Variants in MKLN1 observed in about 807,000 individuals in gnomAD.
MKLN1 encodes muskelin.
MKLN1 carries 18 observed loss-of-function variants against 99.0 expected under a neutral mutation model. The observed-to-expected ratio is 0.18, with a 90% CI of 0.13 to 0.27. The LOEUF is 0.27. MKLN1 is among the 10% of genes least tolerant of loss of function. MKLN1 has a pLI of 1.00. For missense variants in MKLN1, 621 were observed against 875.9 expected (o/e 0.71, Z 3.67); for synonymous variants, 288 against 293.2 (o/e 0.98, Z 0.18).
At chr7:131,267,806 A>G (rs1257050063) in intron 3 of MKLN1, among the ~76,000 whole-genome samples, 1 of 152,232 alleles carries the variant, frequency 6.6e-6, no homozygotes, top group Non-Finnish European at 1.5e-5. Flanking sequence ...AAGTCTGGTA[A>G]GTAAACAATA....
Position 131,183,031 on chromosome 7 carries a change from C to G in MKLN1, c.-296-19826C>G, listed in dbSNP as rs747161878. Among the ~76,000 whole-genome samples, 8 of 152,214 alleles carry G rather than the reference C, an allele frequency of 5.3e-5. No homozygotes were observed. The South Asian group carries it at 1.0e-3, about 20-fold the overall frequency. On this transcript the variant is annotated intron_variant, in intron 2 of 7. Coordinates refer to the MKLN1 transcript ENST00000416992. ...GAAATGCACTAGGGGACCTACCACA[C>G]AGCATCAGGTGGATGTGGAGTGGTT...
intron 2 of MKLN1, among the ~76,000 whole-genome samples, chr7:131,151,772 CATT>C (rs1795891728): frequency 6.6e-6 from 1 of 152,146 alleles, no homozygotes; most frequent in Non-Finnish European, 1.5e-5. Flanking sequence ...GAGATATCAT[CATT>C]AAAATTTTGT....
rs199786709 is a variant in MKLN1 at position 131,468,426 on chromosome 7, CG to C, written c.1928+2014del. On this transcript the variant is annotated intron_variant, in intron 15 of 17. Coordinates refer to ENST00000352689, the MANE Select transcript of MKLN1 (RefSeq NM_013255.5). ...TAAGCAGATTTATTTTTTTATAATA[CG>C]GGAGCTTGTACTACACTGTTAGACT... Among the ~76,000 whole-genome samples the C allele has an allele frequency of 3.3e-5, 5 of 152,008 alleles. No individual in the cohort carries two copies. In the East Asian group the frequency reaches 9.7e-4, roughly 29 times the overall value.
chr7:131,162,453 A>G (rs1478465584), intron 2 of MKLN1, among the ~76,000 whole-genome samples: 1 of 152,218 alleles, frequency 6.6e-6, no homozygotes, highest in Non-Finnish European at 1.5e-5. Context: ...TGATGTTGCC[A>G]AACAAGCACA....
rs1003437355 is a variant in MKLN1 at position 131,402,216 on chromosome 7, C to T, written c.703+2783C>T. On this transcript the variant is annotated intron_variant, in intron 6 of 17. Coordinates refer to ENST00000352689, the MANE Select transcript of MKLN1 (RefSeq NM_013255.5). ...ATTTCAACAATGTTCACAGCATCTT[C>T]ATCAGGAGCAGTTTCCATCTCAAGA... Among the ~76,000 whole-genome samples the T allele has an allele frequency of 2.0e-5, 3 of 152,196 alleles. No individual in the cohort carries two copies. In the South Asian group the frequency reaches 6.2e-4, roughly 32 times the overall value.
At chr7:131,340,664 A>G (rs1043114471) in intron 1 of MKLN1, among the ~76,000 whole-genome samples, 4 of 152,172 alleles carry the variant, frequency 2.6e-5, no homozygotes, top group Non-Finnish European at 4.4e-5. Flanking sequence ...AATGTATGGA[A>G]TTTTCCTCCA....
chr7:131,139,648 T>C (rs1361175092), intron 1 of MKLN1, among the ~76,000 whole-genome samples: 1 of 152,166 alleles, frequency 6.6e-6, no homozygotes. Flanking sequence ...GTGTGACAAT[T>C]GTGTCAGAAC....
intron 1 of MKLN1, among the ~76,000 whole-genome samples, chr7:131,354,859 A>G (rs1054784884): frequency 1.3e-5 from 2 of 152,190 alleles, no homozygotes; most frequent in African/African-American, 4.8e-5. Context: ...CATTTATTAT[A>G]AAGCTCATAT....
chr7:131,400,518 A>AAATATATATATAT (rs527702723), intron 6 of MKLN1, among the ~76,000 whole-genome samples: 525 of 137,368 alleles, frequency 3.8e-3, no homozygotes, highest in African/African-American at 8.2e-3. Flanking sequence ...ATAAAAAAAA[A>AAATATATATATAT]ATATATATAT....
chr7:131,282,589 G>T (rs933626065), intron 3 of MKLN1, among the ~76,000 whole-genome samples: 4 of 151,978 alleles, frequency 2.6e-5, no homozygotes, highest in Non-Finnish European at 5.9e-5. Context: ...AGAGGAGGAG[G>T]GATCTGAGCT....
chr7:131,309,188 G>T (rs867121929), intron 3 of MKLN1, among the ~76,000 whole-genome samples: 1 of 152,306 alleles, frequency 6.6e-6, no homozygotes, highest in East Asian at 1.9e-4. Context: ...AAGATGTACC[G>T]AGGAGTTCTG....
intron 3 of MKLN1, among the ~76,000 whole-genome samples, chr7:131,312,456 A>G (rs376563139): frequency 6.6e-6 from 1 of 152,208 alleles, no homozygotes; most frequent in Admixed American, 6.5e-5. Flanking sequence ...TCAATGCATA[A>G]TTTTTAGAAA....
chr7:131,234,986 A>C (rs1797297162), intron 3 of MKLN1, among the ~76,000 whole-genome samples: 1 of 152,176 alleles, frequency 6.6e-6, no homozygotes. Context: ...GGGAACCTTT[A>C]GGTTTGCTCA....
chr7:131,251,675 T>G (rs1447375253), intron 3 of MKLN1, among the ~76,000 whole-genome samples: 1 of 151,912 alleles, frequency 6.6e-6, no homozygotes, highest in East Asian at 1.9e-4. Flanking sequence ...ATTTTCTTTT[T>G]TTTTTTTTTG....
intron 16 of MKLN1, among the ~76,000 whole-genome samples, chr7:131,472,741 G>A (rs1290566713): frequency 2.6e-5 from 4 of 152,044 alleles, no homozygotes; most frequent in African/African-American, 7.2e-5. Flanking sequence ...ACGAGGTCAG[G>A]AGATCGAGAC....
chr7:131,395,782 A>G (rs1053315337), intron 4 of MKLN1, among the ~76,000 whole-genome samples: 9 of 151,908 alleles, frequency 5.9e-5, no homozygotes, highest in Admixed American at 1.3e-4. Context: ...TTTGATTGAC[A>G]TGATGTTAAA....
chr7:131,470,869 CCT>C lies in MKLN1; in HGVS notation c.1957_1958del (p.Leu653Ter). 1 of 1,612,472 alleles carries C rather than the reference CCT, an allele frequency of 6.2e-7. No homozygotes were observed. Among genetic ancestry groups the C allele is most frequent in the Non-Finnish European group, 8.5e-7 (1 of 1,178,704 alleles). Reference protein sequence around the residue: ...RFEEKAQVDPLSALKYLQNDL... With the variant: ...RFEEKAQVDPXSALKYLQNDL... ...TTGAAGAAAAGGCCCAAGTGGATCC[CCT>C]TAGTGCTCTGAAATATTTACAAAAT... is the stretch of plus-strand genomic sequence containing the variant. On this transcript the variant is annotated frameshift_variant, in exon 16 of 18. Coordinates refer to ENST00000352689, the MANE Select transcript of MKLN1 (RefSeq NM_013255.5). LOFTEE classifies it high-confidence loss of function.
chr7:131,206,795 A>G (rs1049456623), intron 3 of MKLN1, among the ~76,000 whole-genome samples: 8 of 151,956 alleles, frequency 5.3e-5, no homozygotes, highest in South Asian at 2.1e-4. Flanking sequence ...GCCTCAAGCA[A>G]TCTTCCCACC....
At chr7:131,369,533 T>C (rs775562717) in intron 1 of MKLN1, among the ~76,000 whole-genome samples, 2 of 152,224 alleles carry the variant, frequency 1.3e-5, no homozygotes, top group Non-Finnish European at 2.9e-5. Context: ...TGCATTCTGC[T>C]CATTTTCAGT....
Sources: gnomAD v4.1 joint callset for allele counts (sites outside exome capture counted in the v4.1 genomes callset) on GRCh38, gnomAD v4.1.1 for gene constraint, MANE v1.5 for transcripts, NCBI Gene and HGNC (gene_info 2026-07-23, HGNC 2026-07-21) for gene names.